FAM111B: variants seen among roughly 807,000 people sequenced by gnomAD.
FAM111B encodes the protein serine protease FAM111B.
Under a neutral mutation model 2.8 loss-of-function variants are expected in FAM111B, and 1 was observed. The ratio of observed to expected loss-of-function variants is 0.36; its 90% CI spans 0.13 to 1.70. The LOEUF (loss-of-function observed/expected upper bound fraction) is 1.70, where lower values mean the gene tolerates loss of function less well. Among genes scored for constraint, FAM111B ranks in the 40% most tolerant of loss-of-function variants. FAM111B has a pLI of 0.35. For missense variants in FAM111B, 882 were observed against 878.9 expected (o/e 1.00, Z -0.04); for synonymous variants, 297 against 295.6 (o/e 1.00, Z -0.05).
chr11:59,115,467 C>T (rs1034454125), intron 3 of FAM111B, among the ~76,000 whole-genome samples: 8 of 152,228 alleles, frequency 5.3e-5, no homozygotes, highest in Admixed American at 2.0e-4. Context: ...AGTTTTTAGT[C>T]TCCCATGCAA....
At chr11:59,123,278 T>A (rs1565189817) in intron 3 of FAM111B, among the ~76,000 whole-genome samples, 2 of 152,152 alleles carry the variant, frequency 1.3e-5, no homozygotes, top group Non-Finnish European at 2.9e-5. Flanking sequence ...AAATGTACAT[T>A]CTAAAAACAG....
chr11:59,120,781 A>G (rs1859908741), intron 3 of FAM111B, among the ~76,000 whole-genome samples: 1 of 152,168 alleles, frequency 6.6e-6, no homozygotes, highest in Non-Finnish European at 1.5e-5. Context: ...TTTTTAACTA[A>G]GTATATCAAC....
At chr11:59,115,869 T>G (rs953594341) in intron 3 of FAM111B, among the ~76,000 whole-genome samples, 3 of 152,196 alleles carry the variant, frequency 2.0e-5, no homozygotes, top group African/African-American at 7.2e-5. Context: ...TATCTTAGTT[T>G]CTTTAAGGTC....
At chr11:59,119,325 AT>A (rs1194652135) in intron 3 of FAM111B, among the ~76,000 whole-genome samples, 1 of 152,202 alleles carries the variant, frequency 6.6e-6, no homozygotes, top group Non-Finnish European at 1.5e-5. Context: ...TCCCTGCACC[AT>A]GGCCTAGAAC....
rs962420958 is a variant in FAM111B, at chr11:59,126,965, T to G, written c.*663T>G. 5 of 152,738 alleles carry G rather than the reference T, an allele frequency of 3.3e-5. No homozygotes were observed. The highest frequency in any genetic ancestry group is 1.2e-4 in the African/African-American group (5 of 41,442). The allele number at this position is 152,738 out of a possible 1,614,324, so 9.5% of individuals were successfully genotyped here. A position where few individuals can be genotyped will look rare whatever the true frequency, so the allele number is the denominator to read the frequency against. ...ATGTTCACTGCAGCACTATTCACAATAGCAAAACATGAAATCAACCTAAAT... is the reference window on the plus strand; with the variant it reads ...ATGTTCACTGCAGCACTATTCACAAGAGCAAAACATGAAATCAACCTAAAT... On this transcript the variant is annotated 3_prime_UTR_variant, in exon 4 of 4. Coordinates refer to ENST00000343597, the MANE Select transcript of FAM111B (RefSeq NM_198947.4).
Position 59,107,866 on chromosome 11 carries a change from G to A in FAM111B, c.-132+570G>A, listed in dbSNP as rs373199033. Among the ~76,000 whole-genome samples, 21 of 152,330 alleles carry A rather than the reference G, an allele frequency of 1.4e-4. No homozygotes were observed. The South Asian group carries it at 3.7e-3, about 27-fold the overall frequency. ...TGGTAATCAGCAAGGATTCAGGTTA[G>A]GGTAGCGCTTCTAAGTTCGTTTCCC... On this transcript the variant is annotated intron_variant, in intron 1 of 3. Coordinates refer to ENST00000343597, the MANE Select transcript of FAM111B (RefSeq NM_198947.4).
Position 59,125,662 on chromosome 11 carries a change from T to C in FAM111B, c.1565T>C (p.Phe522Ser). 6.2e-7 allele frequency: 1 copy of C among 1,613,962 alleles called. No homozygotes were observed. Among genetic ancestry groups the C allele is most frequent in the Non-Finnish European group, 8.5e-7 (1 of 1,179,850 alleles). ...AAGGTAACCTTCACTTATACAGAGTTCTGCCCTACTCCTGACAATTGGTTT... is the reference window on the plus strand; with the variant it reads ...AAGGTAACCTTCACTTATACAGAGTCCTGCCCTACTCCTGACAATTGGTTT... ...CAKVTFTYTEFCPTPDNWFSI... is the reference protein window; with the variant it reads ...CAKVTFTYTESCPTPDNWFSI... Residue 522 changes from phenylalanine to serine, a missense_variant, in exon 4 of 4, where the codon TTC becomes TCC. Transcript: ENST00000343597.
chr11:59,123,310 C>T lies in FAM111B; in HGVS notation c.82-869C>T, dbSNP rs531124655. ...ACAGTCAAATTAGACAGAATTTTAT[C>T]TATCAATTGGCAAATATTTAAAATA... On this transcript the variant is annotated intron_variant, in intron 3 of 3. Transcript: ENST00000343597. 2.3e-3 allele frequency among the ~76,000 whole-genome samples: 352 copies of T among 152,282 alleles called. 1 individual carries two copies. Among genetic ancestry groups the T allele is most frequent in the African/African-American group, 8.2e-3 (342 of 41,552 alleles).
rs141940888 is a variant in FAM111B at position 59,126,148 on chromosome 11, G to A, written c.2051G>A (p.Gly684Asp). The A allele has an allele frequency of 1.1e-4, 183 of 1,612,466 alleles. No individual in the cohort carries two copies. In the African/African-American group the frequency reaches 2.2e-3, roughly 20 times the overall value. Residue 684 changes from glycine (G) to aspartate (D), a missense_variant, in exon 4 of 4, where the codon GGT becomes GAT. Transcript: ENST00000343597. ...AATGTGCATGCCCTTATTGAATTTG[G>A]TTATTCTATGGATTCTATTCTTTGT... ...GFNVHALIEFGYSMDSILCDI... is the reference protein window; with the variant it reads ...GFNVHALIEFDYSMDSILCDI...
intron 3 of FAM111B, among the ~76,000 whole-genome samples, chr11:59,110,882 G>T (rs548476462): frequency 1.6e-4 from 24 of 152,176 alleles, no homozygotes; most frequent in Admixed American, 1.0e-3. Flanking sequence ...TGGTAAGGTA[G>T]TATGGTGCCA....
intron 3 of FAM111B, among the ~76,000 whole-genome samples, chr11:59,115,645 A>ATGATGT: frequency 6.6e-6 from 1 of 152,228 alleles, no homozygotes; most frequent in East Asian, 1.9e-4. Context: ...GATGTATGCT[A>ATGATGT]ATATCATTGC....
At chr11:59,111,509 T>C (rs1859758141) in intron 3 of FAM111B, among the ~76,000 whole-genome samples, 1 of 152,234 alleles carries the variant, frequency 6.6e-6, no homozygotes. Context: ...TAAATATTAA[T>C]GTTAAAATGA....
chr11:59,115,304 G>A (rs1314328322), intron 3 of FAM111B, among the ~76,000 whole-genome samples: 1 of 152,178 alleles, frequency 6.6e-6, no homozygotes, highest in African/African-American at 2.4e-5. Context: ...GGAATAGGAA[G>A]GTTCTGTGCT....
chr11:59,112,748 A>C (rs1205454518), intron 3 of FAM111B, among the ~76,000 whole-genome samples: 3 of 152,200 alleles, frequency 2.0e-5, no homozygotes, highest in East Asian at 3.8e-4. Flanking sequence ...ACTATGACTC[A>C]TGATTTGAGC....
chr11:59,119,753 G>A lies in FAM111B; in HGVS notation c.82-4426G>A, dbSNP rs543147554. Among the ~76,000 whole-genome samples the A allele has an allele frequency of 1.4e-3, 220 of 152,248 alleles. 1 individual carries two copies. Among genetic ancestry groups the A allele is most frequent in the African/African-American group, 5.1e-3 (211 of 41,548 alleles). ...TCATTATAAGTATTTCCCTTATAAT[G>A]AGGGAGAATAGAGGAGTGCTCACTA... On this transcript the variant is annotated intron_variant, in intron 3 of 3. Transcript: ENST00000343597.
At position 59,125,279 on chromosome 11, in the gene FAM111B, G is replaced by T; in HGVS notation, c.1182G>T (p.Leu394Phe). The change falls in exon 4 of 4, where the codon TTG becomes TTT. Residue 394 changes from leucine (L) to phenylalanine (F), a missense_variant. Physicochemically the swap from Leu to Phe is conservative, Grantham distance 22. Coordinates refer to ENST00000343597, the MANE Select transcript of FAM111B (RefSeq NM_198947.4). ...AINLLKNYQTLNEAIMHQYPN... is the reference protein window; with the variant it reads ...AINLLKNYQTFNEAIMHQYPN... The stretch of plus-strand genomic sequence containing the variant: ...ATCTCTTAAAGAATTATCAAACGTT[G>T]AATGAAGCCATAATGCATCAGTATC... The T allele has an allele frequency of 6.2e-7, 1 of 1,613,878 alleles. No homozygotes were observed. The highest frequency in any genetic ancestry group is 8.5e-7 in the Non-Finnish European group (1 of 1,179,850).
intron 3 of FAM111B, among the ~76,000 whole-genome samples, chr11:59,122,201 T>C (rs1396587601): frequency 1.3e-5 from 2 of 152,196 alleles, no homozygotes; most frequent in African/African-American, 4.8e-5. Flanking sequence ...AAGAACATAT[T>C]CAGCTGGATC....
rs578153556 is a variant in FAM111B, at chr11:59,125,917, A to G, written c.1820A>G (p.Gln607Arg). The change falls in exon 4 of 4, where the codon CAA becomes CGA. Residue 607 changes from glutamine to arginine, a missense_variant. By Grantham distance (43) the Gln-to-Arg change is conservative. Coordinates refer to ENST00000343597, the MANE Select transcript of FAM111B (RefSeq NM_198947.4). Reference protein sequence around the residue: ...ERLKKYPNDCQDGLVDLYDTT... With the variant: ...ERLKKYPNDCRDGLVDLYDTT... ...TTGAAAAAATATCCAAACGATTGTC[A>G]AGATGGGTTGGTAGATCTCTATGAT... The G allele has an allele frequency of 6.2e-7, 1 of 1,613,910 alleles. No homozygotes were observed. The highest frequency in any genetic ancestry group is 2.2e-5 in the East Asian group (1 of 44,876).
chr11:59,110,517 T>C (rs528688215), intron 3 of FAM111B, among the ~76,000 whole-genome samples: 3 of 152,246 alleles, frequency 2.0e-5, no homozygotes, highest in African/African-American at 4.8e-5. Flanking sequence ...ACTCAAGTTC[T>C]TGCTAAAATG....
Sources: allele counts gnomAD v4.1 joint callset (sites outside exome capture counted in the v4.1 genomes callset), GRCh38; gene constraint gnomAD v4.1.1; transcripts MANE v1.5; gene names NCBI Gene and HGNC (gene_info 2026-07-23, HGNC 2026-07-21).